Variants in RP1 observed in about 807,000 individuals in gnomAD.
RP1 encodes RP1 axonemal microtubule associated, also known as oxygen-regulated protein 1.
In RP1, 16 loss-of-function variants were observed where a neutral mutation model predicts 14.8. The ratio of observed to expected loss-of-function variants is 1.08; its 90% CI spans 0.73 to 1.65. The LOEUF is 1.65. Among genes scored for constraint, RP1 ranks in the 40% most tolerant of loss-of-function variants. RP1 has a pLI of 0.00. For missense variants in RP1, 2,631 were observed against 2,535.0 expected (o/e 1.04, Z -0.81); for synonymous variants, 876 against 883.6 (o/e 0.99, Z 0.15).
chr8:54,641,171 T>G (rs890700044), intron 3 of RP1, among the ~76,000 whole-genome samples: 2 of 152,070 alleles, frequency 1.3e-5, no homozygotes, highest in Non-Finnish European at 2.9e-5. Context: ...GGTCTCGATC[T>G]CCTGACCTTG....
intron 19 of RP1, among the ~76,000 whole-genome samples, chr8:54,750,190 T>C (rs938251286): frequency 4.6e-5 from 7 of 152,188 alleles, no homozygotes; most frequent in African/African-American, 1.7e-4. Context: ...TTTTTAAGAA[T>C]TCTGATCTCC....
intron 17 of RP1, among the ~76,000 whole-genome samples, chr8:54,730,718 G>A (rs771218879): frequency 5.3e-5 from 8 of 152,062 alleles, no homozygotes; most frequent in Non-Finnish European, 1.0e-4. Flanking sequence ...AAGCATGTTA[G>A]GATGCCTTTG....
intron 1 of RP1, among the ~76,000 whole-genome samples, chr8:54,593,270 A>G (rs1805079438): frequency 6.6e-6 from 1 of 152,194 alleles, no homozygotes; most frequent in Non-Finnish European, 1.5e-5. Flanking sequence ...AATGTGTCTT[A>G]TCTCTTGCTT....
At chr8:54,746,152 A>G (rs1347516329) in intron 19 of RP1, among the ~76,000 whole-genome samples, 1 of 152,254 alleles carries the variant, frequency 6.6e-6, no homozygotes, top group East Asian at 1.9e-4. Flanking sequence ...TAAACAATGC[A>G]AGCACTTATG....
chr8:54,628,121 A>T lies in RP1; in HGVS notation c.4239A>T (p.Lys1413Asn). The change falls in exon 4 of 4, where the codon AAA (lysine) becomes AAT (asparagine). Residue 1413 changes from lysine (K) to asparagine (N), a missense_variant. Physicochemically the swap from Lys to Asn is moderately conservative, Grantham distance 94. Coordinates refer to ENST00000220676, the MANE Select transcript of RP1 (RefSeq NM_006269.2). ...AAAAAGAAGCAGAACTTGATAAGAA[A>T]CATAGTTCTCTAGATGATTTTGAAA... is the stretch of plus-strand genomic sequence containing the variant. Reference protein sequence around the residue: ...LSEKEAELDKKHSSLDDFENC... With the variant: ...LSEKEAELDKNHSSLDDFENC... 1 of 1,614,028 alleles carries T rather than the reference A, an allele frequency of 6.2e-7. No homozygotes were observed. Among genetic ancestry groups the T allele is most frequent in the Non-Finnish European group, 8.5e-7 (1 of 1,179,920 alleles).
chr8:54,648,712 G>T (rs1027924192), intron 3 of RP1, among the ~76,000 whole-genome samples: 1 of 152,012 alleles, frequency 6.6e-6, no homozygotes, highest in Non-Finnish European at 1.5e-5. Flanking sequence ...TGGAGTCCAG[G>T]TATGACCAAC....
chr8:54,835,811 T>C (rs1811642218), intron 24 of RP1, among the ~76,000 whole-genome samples: 1 of 152,202 alleles, frequency 6.6e-6, no homozygotes, highest in South Asian at 2.1e-4. Context: ...GAGACCATGT[T>C]ATTTTGCCTT....
chr8:54,680,028 T>G (rs1385641739), intron 12 of RP1: 1 of 1,426,526 alleles, frequency 7.0e-7, no homozygotes, highest in East Asian at 2.5e-5. Context: ...GTTTTGTTCT[T>G]TTTACAGATG....
chr8:54,629,188 C>G lies in RP1; in HGVS notation c.5306C>G (p.Thr1769Ser). The G allele has an allele frequency of 1.2e-6, 2 of 1,614,120 alleles. No homozygotes were observed. The highest frequency in any genetic ancestry group is 2.2e-5 in the East Asian group (1 of 44,870). ...CCTGGCATGTGTGGCAATGCAGACA[C>G]CACATCAGTGGACACCCTACTTGAT... The part of the protein sequence containing the change: ...ENPGMCGNAD[T>S]TSVDTLLDNN... The change falls in exon 4 of 4, where the codon ACC becomes AGC. Residue 1769 changes from threonine (T) to serine (S), a missense_variant. Physicochemically the swap from Thr to Ser is moderately conservative, Grantham distance 58 (BLOSUM62 1). Coordinates refer to ENST00000220676, the MANE Select transcript of RP1 (RefSeq NM_006269.2).
intron 12 of RP1, among the ~76,000 whole-genome samples, chr8:54,697,902 A>G (rs943311233): frequency 3.9e-5 from 6 of 152,226 alleles, no homozygotes; most frequent in African/African-American, 1.2e-4. Context: ...AAGATGGATT[A>G]AAGACTTAAA....
chr8:54,563,133 C>T (rs1411661905), intron 1 of RP1, among the ~76,000 whole-genome samples: 2 of 152,152 alleles, frequency 1.3e-5, no homozygotes, highest in Non-Finnish European at 2.9e-5. Context: ...AATTTGTTTC[C>T]CCCCACACCT....
intron 22 of RP1, among the ~76,000 whole-genome samples, chr8:54,759,815 A>G (rs2129369530): frequency 6.6e-6 from 1 of 152,282 alleles, no homozygotes. Flanking sequence ...CTGAGCCCTG[A>G]CTTACAAATT....
At chr8:54,728,465 T>C (rs1808712420) in intron 17 of RP1, among the ~76,000 whole-genome samples, 1 of 152,170 alleles carries the variant, frequency 6.6e-6, no homozygotes, top group Admixed American at 6.6e-5. Context: ...TATCAGTTCC[T>C]TAAGAATGAG....
intron 17 of RP1, among the ~76,000 whole-genome samples, chr8:54,732,511 G>C (rs577027823): frequency 6.6e-6 from 1 of 152,104 alleles, no homozygotes; most frequent in African/African-American, 2.4e-5. Flanking sequence ...GCAAATAATA[G>C]GAACTAAAGT....
At chr8:54,837,787 G>C (rs375406349) in intron 25 of RP1, 1 of 514,364 alleles carries the variant, frequency 1.9e-6, no homozygotes, top group Non-Finnish European at 3.0e-6. Context: ...CTCACACTTC[G>C]TGGGCTATAA....
At chr8:54,762,304 C>T (rs976594689) in intron 22 of RP1, among the ~76,000 whole-genome samples, 1 of 151,968 alleles carries the variant, frequency 6.6e-6, no homozygotes, top group African/African-American at 2.4e-5. Context: ...TTTTTGTGGG[C>T]TCGGGGGAAA....
chr8:54,607,941 TC>T (rs1805497793), intron 1 of RP1, among the ~76,000 whole-genome samples: 1 of 152,130 alleles, frequency 6.6e-6, no homozygotes, highest in South Asian at 2.1e-4. Flanking sequence ...GTGCTGTCTG[TC>T]ACCTCTTTCT....
chr8:54,625,008 C>T lies in RP1; in HGVS notation c.1126C>T (p.Arg376Ter), dbSNP rs760689800. 5.6e-6 allele frequency: 9 copies of T among 1,614,082 alleles called. No individual in the cohort carries two copies. In the South Asian group the frequency reaches 7.7e-5, roughly 14 times the overall value. The change falls in exon 4 of 4, where the codon CGA becomes TGA. Residue 376 changes from arginine (R) to a stop codon, truncating the protein, a stop_gained. Coordinates refer to ENST00000220676, the MANE Select transcript of RP1 (RefSeq NM_006269.2). LOFTEE classifies it low-confidence loss of function (END_TRUNC). ...GAGTTTTCCAGGAAGAACAGAAAGT[C>T]GATCATCTGGTTTAAAGCTTGCAGC... ...EMSFPGRTES[R>*]SSGLKLAACS...
chr8:54,571,533 T>G (rs1049418344), intron 1 of RP1, among the ~76,000 whole-genome samples: 1 of 152,212 alleles, frequency 6.6e-6, no homozygotes, highest in Non-Finnish European at 1.5e-5. Flanking sequence ...TATGGCAGCA[T>G]GGATGGTTCC....
Sources: allele counts gnomAD v4.1 joint callset (sites outside exome capture counted in the v4.1 genomes callset), GRCh38; gene constraint gnomAD v4.1.1; transcripts MANE v1.5; gene names NCBI Gene and HGNC (gene_info 2026-07-23, HGNC 2026-07-21).